PREP: variants seen among roughly 807,000 people sequenced by gnomAD.
PREP encodes prolyl endopeptidase.
PREP carries 29 observed loss-of-function variants against 87.6 expected under a neutral mutation model. That is an observed-to-expected ratio of 0.33 (90% CI 0.25 to 0.45). PREP has a LOEUF of 0.45. PREP is among the 20% of genes least tolerant of loss of function. The pLI is 1.00. For synonymous variants in PREP, 337 were observed against 328.6 expected, an observed-to-expected ratio of 1.03 and a Z score of -0.28; for missense variants, 695 against 886.5, an observed-to-expected ratio of 0.78 and a Z score of 2.74.
chr6:105,339,878 T>C (rs1013093703), intron 7 of PREP, among the ~76,000 whole-genome samples: 1 of 152,158 alleles, frequency 6.6e-6, no homozygotes, highest in African/African-American at 2.4e-5. Context: ...CCAAGAAATA[T>C]GGGACTATGT....
At chr6:105,386,656 G>C (rs1773003257) in intron 2 of PREP, among the ~76,000 whole-genome samples, 1 of 152,058 alleles carries the variant, frequency 6.6e-6, no homozygotes, top group Non-Finnish European at 1.5e-5. Context: ...AAAAATGAAA[G>C]GTATTATAAT....
intron 6 of PREP, among the ~76,000 whole-genome samples, chr6:105,367,701 A>G (rs1209972622): frequency 6.6e-6 from 1 of 152,106 alleles, no homozygotes; most frequent in Non-Finnish European, 1.5e-5. Flanking sequence ...AAAACGGACA[A>G]ATTTTAGGGT....
chr6:105,353,059 A>G lies in PREP; in HGVS notation c.736T>C (p.Tyr246His), dbSNP rs1207638010. The change falls in exon 7 of 15, where the codon TAT becomes CAT. Residue 246 changes from tyrosine to histidine, a missense_variant. Transcript: ENST00000652536. ...GGAELSDDGR[Y>H]VLLSIREGCD... ...CCTTCCCTTATTGATAACAAGACAT[A>G]GCGGCCATCATCAGATAACTAAAAA... 1 of 1,613,746 alleles carries G rather than the reference A, an allele frequency of 6.2e-7. No individual in the cohort carries two copies. Among genetic ancestry groups the G allele is most frequent in the East Asian group, 2.2e-5 (1 of 44,884 alleles).
intron 7 of PREP, among the ~76,000 whole-genome samples, chr6:105,343,832 C>T (rs1271597316): frequency 2.0e-5 from 3 of 152,188 alleles, no homozygotes; most frequent in African/African-American, 4.8e-5. Context: ...TTCCATCTCA[C>T]ACCAGTTAGA....
intron 5 of PREP, among the ~76,000 whole-genome samples, chr6:105,371,915 T>G (rs1583090803): frequency 6.6e-6 from 1 of 152,328 alleles, no homozygotes; most frequent in East Asian, 1.9e-4. Flanking sequence ...GTAATAACGT[T>G]CTCTAACATG....
At chr6:105,402,825 G>A in intron 1 of PREP, 22 bp downstream of exon 1, 2 of 1,538,270 alleles carry the variant, frequency 1.3e-6, no homozygotes, top group Non-Finnish European at 1.8e-6. Context: ...GGAGCCCTCT[G>A]GGCGGAGGCA....
rs1769998967 is a variant in PREP at position 105,278,537 on chromosome 6, C to G, written c.1839-99G>C. 2 of 1,255,342 alleles carry G rather than the reference C, an allele frequency of 1.6e-6. No homozygotes were observed. The highest frequency in any genetic ancestry group is 1.1e-6 in the Non-Finnish European group (1 of 897,942). 77.8% of individuals were successfully genotyped at this position (1,255,342 alleles called of 1,614,324 possible). On this transcript the variant is annotated intron_variant, in intron 14 of 14. Coordinates refer to ENST00000652536, the MANE Select transcript of PREP (RefSeq NM_002726.5). This position sits in a 1 kb window ranked among gnomAD's most constrained non-coding sequence, Gnocchi z 4.2. ...AATTAGCAGTGAGGACTGCAGTTAA[C>G]TAGTACGTGAGTGACCACCATGGAC...
At chr6:105,304,054 C>T (rs978721528) in intron 10 of PREP, among the ~76,000 whole-genome samples, 2 of 152,186 alleles carry the variant, frequency 1.3e-5, no homozygotes, top group East Asian at 1.9e-4. Context: ...ATACAGTTGG[C>T]TCTCTACATC....
intron 1 of PREP, 93 bp downstream of exon 1, chr6:105,402,754 A>C (rs1773468769): frequency 8.3e-7 from 1 of 1,212,112 alleles, no homozygotes; most frequent in Non-Finnish European, 1.1e-6. Context: ...CGGGGGTCGA[A>C]GGCCTACAGG....
At chr6:105,323,860 G>T in intron 9 of PREP, 92 bp from the exon 10 acceptor site, 4 of 1,046,646 alleles carry the variant, frequency 3.8e-6, no homozygotes, top group Non-Finnish European at 5.9e-6. Flanking sequence ...TGCCAGCAAT[G>T]GCAAGAGAGG....
At chr6:105,326,303 G>A (rs1437920838) in intron 9 of PREP, among the ~76,000 whole-genome samples, 1 of 152,118 alleles carries the variant, frequency 6.6e-6, no homozygotes, top group Non-Finnish European at 1.5e-5. Context: ...GGTTCCACAA[G>A]TACAGAGTTC....
intron 10 of PREP, among the ~76,000 whole-genome samples, chr6:105,300,989 A>G (rs914854200): frequency 9.2e-5 from 14 of 152,372 alleles, no homozygotes; most frequent in African/African-American, 3.4e-4. Flanking sequence ...TTAGTAATAA[A>G]ATCAATTGTG....
chr6:105,383,210 G>A (rs957352227), intron 2 of PREP, among the ~76,000 whole-genome samples: 3 of 149,212 alleles, frequency 2.0e-5, no homozygotes, highest in African/African-American at 7.4e-5. Context: ...TTGGAATAAT[G>A]TACTTTCCAA....
intron 12 of PREP, among the ~76,000 whole-genome samples, chr6:105,282,800 A>G (rs1171877149): frequency 1.3e-5 from 2 of 152,172 alleles, no homozygotes; most frequent in African/African-American, 4.8e-5. Flanking sequence ...GTGGATCTGT[A>G]TTTTTCTAAA....
intron 7 of PREP, among the ~76,000 whole-genome samples, chr6:105,346,373 C>G (rs947642295): frequency 2.6e-5 from 4 of 152,166 alleles, no homozygotes; most frequent in African/African-American, 4.8e-5. Flanking sequence ...TGCTAAATAC[C>G]AGATTTCCTT....
chr6:105,299,874 G>A (rs1770494691), intron 10 of PREP, among the ~76,000 whole-genome samples: 1 of 151,570 alleles, frequency 6.6e-6, no homozygotes, highest in Non-Finnish European at 1.5e-5. Context: ...TTCTGCCAGA[G>A]ATGCTATCCC....
At chr6:105,322,520 G>T in intron 10 of PREP, 2 of 985,810 alleles carry the variant, frequency 2.0e-6, no homozygotes, top group Non-Finnish European at 2.4e-6. Context: ...TATCAAGAAT[G>T]TTGTACTTTT....
chr6:105,377,608 AC>A, intron 2 of PREP, 89 bp from the exon 3 acceptor site: 1 of 1,402,086 alleles, frequency 7.1e-7, no homozygotes. Flanking sequence ...GAAAAAGCAC[AC>A]TTTGTCTCTT....
chr6:105,318,807 T>C (rs1036614892), intron 10 of PREP, among the ~76,000 whole-genome samples: 1 of 152,130 alleles, frequency 6.6e-6, no homozygotes, highest in African/African-American at 2.4e-5. Context: ...CTATACCCAA[T>C]CACACGAACA....
Sources: gnomAD v4.1 joint callset for allele counts (sites outside exome capture counted in the v4.1 genomes callset) on GRCh38, gnomAD v4.1.1 for gene constraint, Gnocchi (gnomAD v3.1) non-coding constraint, MANE v1.5 for transcripts, NCBI Gene and HGNC (gene_info 2026-07-23, HGNC 2026-07-21) for gene names.